Variants in ATP8A2 observed in about 807,000 individuals in gnomAD.
The protein encoded by ATP8A2 is phospholipid-transporting ATPase IB.
Under a neutral mutation model 165.6 loss-of-function variants are expected in ATP8A2, and 100 were observed. The ratio of observed to expected loss-of-function variants is 0.60; its 90% CI spans 0.51 to 0.71. The LOEUF (loss-of-function observed/expected upper bound fraction) is 0.71, where lower values mean the gene tolerates loss of function less well. Ranked by LOEUF, ATP8A2 falls within the 30% of genes least tolerant of loss-of-function variation. ATP8A2 has a pLI of 0.00. For missense variants in ATP8A2, 1,227 were observed against 1,479.5 expected (o/e 0.83, Z 2.80); for synonymous variants, 543 against 548.8 (o/e 0.99, Z 0.15).
At chr13:25,779,159 C>G (rs530711689) in intron 27 of ATP8A2, among the ~76,000 whole-genome samples, 7 of 151,886 alleles carry the variant, frequency 4.6e-5, no homozygotes, top group Non-Finnish European at 7.4e-5. Flanking sequence ...CACTTGGCTG[C>G]TTTCATCGCC....
intron 30 of ATP8A2, among the ~76,000 whole-genome samples, chr13:25,855,865 A>G (rs1170177957): frequency 1.3e-5 from 2 of 152,130 alleles, no homozygotes; most frequent in Non-Finnish European, 2.9e-5. Context: ...GTGGTATCTC[A>G]TTGTGGTTTT....
At chr13:25,608,640 A>G (rs893910391) in intron 24 of ATP8A2, among the ~76,000 whole-genome samples, 10 of 152,200 alleles carry the variant, frequency 6.6e-5, no homozygotes, top group South Asian at 2.1e-4. Context: ...CACCTATTCA[A>G]TTCTCCTGTT....
chr13:25,908,264 T>C (rs756675167), intron 33 of ATP8A2, among the ~76,000 whole-genome samples: 1 of 152,160 alleles, frequency 6.6e-6, no homozygotes, highest in African/African-American at 2.4e-5. Flanking sequence ...TCAGCAGTCA[T>C]TGTGTGCAGC....
chr13:25,823,226 A>G (rs1951225109), intron 27 of ATP8A2, among the ~76,000 whole-genome samples: 1 of 152,078 alleles, frequency 6.6e-6, no homozygotes, highest in South Asian at 2.1e-4. Flanking sequence ...TTCATTTGGC[A>G]TGTTTCTCTT....
intron 1 of ATP8A2, among the ~76,000 whole-genome samples, chr13:25,373,726 G>A (rs1227075834): frequency 1.3e-5 from 2 of 152,206 alleles, no homozygotes; most frequent in South Asian, 2.1e-4. Flanking sequence ...TCTCTTTTGC[G>A]GTAAGGGAGG....
intron 25 of ATP8A2, among the ~76,000 whole-genome samples, chr13:25,764,493 G>A (rs2044450076): frequency 6.6e-6 from 1 of 152,176 alleles, no homozygotes; most frequent in South Asian, 2.1e-4. Context: ...AGAACCTGTG[G>A]TATTGTCTAG....
chr13:25,977,803 C>T (rs754504990), intron 35 of ATP8A2, among the ~76,000 whole-genome samples: 8 of 152,066 alleles, frequency 5.3e-5, no homozygotes, highest in Non-Finnish European at 1.0e-4. Flanking sequence ...CCCAGTGCTG[C>T]GATGAAGAAG....
chr13:25,465,672 TTTC>T (rs2035619163), intron 1 of ATP8A2, among the ~76,000 whole-genome samples: 2 of 6,072 alleles, frequency 3.3e-4, no homozygotes, highest in Admixed American at 1.8e-3. Flanking sequence ...GTTTTCTTTC[TTTC>T]TTTCTTTCTT....
intron 27 of ATP8A2, among the ~76,000 whole-genome samples, chr13:25,777,910 T>A (rs1309841978): frequency 6.6e-6 from 1 of 152,230 alleles, no homozygotes; most frequent in Non-Finnish European, 1.5e-5. Flanking sequence ...CCCCCAAACC[T>A]CCTTCCGTAT....
In ATP8A2 at chr13:25,964,100, C is replaced by T. The variant is rs189684475; in HGVS notation, c.3272+2437C>T. 5.1e-3 allele frequency among the ~76,000 whole-genome samples: 776 copies of T among 152,338 alleles called. 2 individuals are homozygous for T. Among genetic ancestry groups the T allele is most frequent in the Non-Finnish European group, 7.9e-3 (536 of 68,036 alleles). On this transcript the variant is annotated intron_variant, in intron 34 of 36. Transcript: ENST00000381655. ...CTCGGCCACCCAGCACCTGGCACCA[C>T]GGGCCCAGAACTCAGCTTTTCCGGG...
rs2037994367 is a variant in ATP8A2 at position 25,530,433 on chromosome 13, A to G, written c.322-129A>G. On this transcript the variant is annotated intron_variant, in intron 3 of 36. Coordinates refer to ENST00000381655, the MANE Select transcript of ATP8A2 (RefSeq NM_016529.6). ...CGTAGCTAGTTTTTAAAGTAAGGTA[A>G]TTATTTTTGAGTAACAGAAATGGAA... The G allele has an allele frequency of 4.5e-6, 3 of 662,782 alleles. 1 individual carries two copies. The South Asian group carries it at 5.1e-5, about 11-fold the overall frequency. 41.1% of individuals were successfully genotyped at this position (662,782 alleles called of 1,614,324 possible).
intron 24 of ATP8A2, among the ~76,000 whole-genome samples, chr13:25,690,109 A>G (rs10492429): frequency 0.03 from 4,544 of 150,266 alleles, 121 homozygotes; most frequent in East Asian, 0.13. Context: ...TGAGAAATGA[A>G]AACAGTAAAT....
intron 24 of ATP8A2, among the ~76,000 whole-genome samples, chr13:25,639,817 A>G (rs1417530018): frequency 6.6e-6 from 1 of 152,194 alleles, no homozygotes; most frequent in Non-Finnish European, 1.5e-5. Flanking sequence ...TCAGCACCAC[A>G]TTACACTTAT....
At chr13:25,461,852 A>AAGGAGGAGG (rs1555274204) in intron 1 of ATP8A2, among the ~76,000 whole-genome samples, 4 of 147,714 alleles carry the variant, frequency 2.7e-5, no homozygotes, top group Non-Finnish European at 4.5e-5. Flanking sequence ...GGAGAAGAAG[A>AAGGAGGAGG]AGGAGGAGGA....
intron 35 of ATP8A2, among the ~76,000 whole-genome samples, chr13:25,980,455 G>C (rs553436234): frequency 2.4e-4 from 36 of 152,302 alleles, no homozygotes; most frequent in African/African-American, 8.2e-4. Flanking sequence ...AGGCCTGTAG[G>C]GGGAGTGGGA....
chr13:25,824,051 A>C (rs1421371965), intron 27 of ATP8A2, among the ~76,000 whole-genome samples: 2 of 151,510 alleles, frequency 1.3e-5, no homozygotes, highest in African/African-American at 4.9e-5. Flanking sequence ...GCTCTATGCA[A>C]CCTCCACCTC....
At chr13:25,681,787 G>A (rs2042493498) in intron 24 of ATP8A2, among the ~76,000 whole-genome samples, 1 of 152,190 alleles carries the variant, frequency 6.6e-6, no homozygotes, top group Non-Finnish European at 1.5e-5. Flanking sequence ...TGCCAAAGAT[G>A]TGTGAAAATG....
chr13:25,769,818 C>T (rs946911464), intron 26 of ATP8A2, among the ~76,000 whole-genome samples: 5 of 152,196 alleles, frequency 3.3e-5, no homozygotes, highest in Non-Finnish European at 7.3e-5. Context: ...CAGTAGCAAT[C>T]AGCCTCCTGC....
chr13:25,886,649 C>T (rs1295472965), intron 33 of ATP8A2, among the ~76,000 whole-genome samples: 1 of 152,246 alleles, frequency 6.6e-6, no homozygotes, highest in East Asian at 1.9e-4. Context: ...GAGCATCTCC[C>T]AGGCCCACTC....
Sources: allele counts gnomAD v4.1 joint callset (sites outside exome capture counted in the v4.1 genomes callset), GRCh38; gene constraint gnomAD v4.1.1; transcripts MANE v1.5; gene names NCBI Gene and HGNC (gene_info 2026-07-23, HGNC 2026-07-21).